Variants in FANCI observed in about 807,000 individuals in gnomAD.
The protein encoded by FANCI is FA complementation group I, also known as Fanconi anemia group I protein.
A neutral mutation model predicts 176.1 loss-of-function variants in FANCI; 156 were observed. That is an observed-to-expected ratio of 0.89 (90% confidence interval 0.78 to 1.01). The LOEUF (loss-of-function observed/expected upper bound fraction) is 1.01, where lower values mean the gene tolerates loss of function less well. FANCI is among the 50% of genes least tolerant of loss of function. The pLI, the probability that FANCI is intolerant of heterozygous loss-of-function variation, is 0.00. For missense variants in FANCI, 1,678 were observed against 1,534.1 expected (o/e 1.09, Z -1.57); for synonymous variants, 613 against 541.7 (o/e 1.13, Z -1.83).
intron 18 of FANCI, among the ~76,000 whole-genome samples, chr15:89,287,557 A>G (rs189348186): frequency 1.3e-5 from 2 of 152,256 alleles, no homozygotes; most frequent in South Asian, 2.1e-4. Context: ...CTTTAAGAGC[A>G]TTTTCTTTGC....
At chr15:89,250,170 T>G (rs1199063616) in intron 2 of FANCI, among the ~76,000 whole-genome samples, 1 of 152,220 alleles carries the variant, frequency 6.6e-6, no homozygotes, top group East Asian at 1.9e-4. Flanking sequence ...GAAATACCAT[T>G]TGACCCAGTG....
intron 28 of FANCI, among the ~76,000 whole-genome samples, chr15:89,304,693 C>G (rs1381020022): frequency 6.6e-6 from 1 of 152,064 alleles, no homozygotes; most frequent in African/African-American, 2.4e-5. Context: ...TGAGACACGA[C>G]AAGCTACCTC....
At chr15:89,313,590 T>C (rs2055052026) in intron 35 of FANCI, among the ~76,000 whole-genome samples, 2 of 152,194 alleles carry the variant, frequency 1.3e-5, no homozygotes, top group Admixed American at 1.3e-4. Flanking sequence ...ACTTAGTACA[T>C]TGCTGGCAAA....
downstream of FANCI, chr15:89,317,240 A>G: frequency 1.3e-6 from 1 of 763,518 alleles, no homozygotes; most frequent in Non-Finnish European, 2.3e-6. Flanking sequence ...GGCACCTTAT[A>G]AACTGAAATT....
At position 89,261,738 on chromosome 15, in the gene FANCI, A is replaced by G. The variant is rs762730472; in HGVS notation, c.442A>G (p.Lys148Glu). The change falls in exon 5 of 38, where the codon AAA becomes GAA. Residue 148 changes from lysine to glutamate, a missense_variant. Transcript: ENST00000310775. ...GAAAAAGGAAAATCTGGCTTATGGA[A>G]AAGGTAATTTTCTTCCGACTTTAGT... ...ATKKENLAYG[K>E]GVLSGEECKK... 1 of 1,614,022 alleles carries G rather than the reference A, an allele frequency of 6.2e-7. No homozygotes were observed. Among genetic ancestry groups the G allele is most frequent in the East Asian group, 2.2e-5 (1 of 44,882 alleles).
rs186358509 is a variant in FANCI at position 89,299,756 on chromosome 15, G to A, written c.2637-44G>A. 10 of 1,594,070 alleles carry A rather than the reference G, an allele frequency of 6.3e-6. No individual in the cohort carries two copies. The East Asian group carries it at 6.7e-5, about 11-fold the overall frequency. On this transcript the variant is annotated intron_variant, in intron 24 of 37. Coordinates refer to ENST00000310775, the MANE Select transcript of FANCI (RefSeq NM_001113378.2). The stretch of plus-strand genomic sequence containing the variant: ...ATTTTACTGTTTGTTATTTTATCTC[G>A]GTGAACCTGTCTTTAAAAACAATAC...
intron 17 of FANCI, among the ~76,000 whole-genome samples, chr15:89,284,016 C>G (rs1324048430): frequency 4.6e-5 from 7 of 152,110 alleles, no homozygotes; most frequent in African/African-American, 1.7e-4. Context: ...CCGCCTCGGC[C>G]TCCCAAAGTG....
chr15:89,316,275 T>TG (rs1237839812), intron 37 of FANCI, 122 bp from the exon 38 acceptor site: 40 of 989,828 alleles, frequency 4.0e-5, no homozygotes, highest in East Asian at 2.6e-5. Flanking sequence ...AGTGGGAAAG[T>TG]GGGGAAAGCA....
chr15:89,304,110 G>A (rs1318531393), intron 28 of FANCI, among the ~76,000 whole-genome samples, 195 bp downstream of exon 28: 2 of 152,156 alleles, frequency 1.3e-5, no homozygotes, highest in Non-Finnish European at 2.9e-5. Context: ...GGGGGTGGAG[G>A]TAGAAATTGG....
chr15:89,316,677 G>A lies in FANCI; in HGVS notation c.*218G>A. ...AAGCCCTTTTGCAAAAAGCACAGCT[G>A]AAAGCCTGAGTTTGGGAGCCTGCAC... On this transcript the variant is annotated 3_prime_UTR_variant, in exon 38 of 38. Transcript: ENST00000310775. 7.4e-7 allele frequency: 1 copy of A among 1,343,080 alleles called. No homozygotes were observed. Among genetic ancestry groups the A allele is most frequent in the Non-Finnish European group, 1.1e-6 (1 of 936,596 alleles). The allele number at this position is 1,343,080 out of a possible 1,614,324, so 83.2% of individuals were successfully genotyped here.
intron 18 of FANCI, 112 bp downstream of exon 18, chr15:89,285,330 T>C: frequency 1.4e-6 from 2 of 1,391,804 alleles, no homozygotes; most frequent in Non-Finnish European, 2.0e-6. Context: ...CTTGATGTAG[T>C]CAGCACCAGT....
intron 24 of FANCI, among the ~76,000 whole-genome samples, chr15:89,298,701 T>C (rs572732029): frequency 6.6e-6 from 1 of 152,208 alleles, no homozygotes; most frequent in South Asian, 2.1e-4. Flanking sequence ...TAATGAACTT[T>C]AGCCAGACTA....
intron 18 of FANCI, among the ~76,000 whole-genome samples, chr15:89,285,482 C>G (rs1683931773): frequency 6.6e-6 from 1 of 152,138 alleles, no homozygotes; most frequent in African/African-American, 2.4e-5. Flanking sequence ...AAAACATTAG[C>G]TGGGTGTGGT....
At chr15:89,248,917 G>A (rs1229333010) in intron 2 of FANCI, among the ~76,000 whole-genome samples, 1 of 152,102 alleles carries the variant, frequency 6.6e-6, no homozygotes, top group Non-Finnish European at 1.5e-5. Flanking sequence ...GCCAGGCATG[G>A]TGACTTACAC....
rs575416245 is a variant in FANCI at position 89,273,399 on chromosome 15, A to G, written c.905A>G (p.Asn302Ser). The G allele has an allele frequency of 3.1e-5, 49 of 1,605,334 alleles. No individual in the cohort carries two copies. Among genetic ancestry groups the G allele is most frequent in the South Asian group, 2.7e-4 (24 of 90,518 alleles). ...TAGGTAGGACAGCAAGGAGATTCCA[A>G]TAATAACTTAAGTCCCTTCAGCATT... is the stretch of plus-strand genomic sequence containing the variant. ...HLKVGQQGDS[N>S]NNLSPFSIAL... Residue 302 changes from asparagine (N) to serine (S), a missense_variant, in exon 11 of 38, where the codon AAT (asparagine) becomes AGT (serine). By Grantham distance (46) the Asn-to-Ser change is conservative (BLOSUM62 1). Coordinates refer to ENST00000310775, the MANE Select transcript of FANCI (RefSeq NM_001113378.2).
At chr15:89,266,472 G>A (rs2052968007) in intron 9 of FANCI, among the ~76,000 whole-genome samples, 3 of 151,790 alleles carry the variant, frequency 2.0e-5, no homozygotes, top group African/African-American at 7.3e-5. Context: ...GGGGTTACAG[G>A]TGCGTGCCAC....
chr15:89,306,431 C>T (rs2151927968), intron 32 of FANCI, among the ~76,000 whole-genome samples: 1 of 152,160 alleles, frequency 6.6e-6, no homozygotes, highest in South Asian at 2.1e-4. Context: ...GTGGTTCATG[C>T]CTGTAATCCC....
chr15:89,292,780 A>G lies in FANCI; in HGVS notation c.2085A>G (p.Glu695=). Residue 695 remains glutamate (E), a synonymous_variant, in exon 21 of 38, where the codon GAA becomes GAG. Transcript: ENST00000310775. ...LQQGEEEEEE[E]EAFYEDLDDI... ...AGGGAGAGGAGGAAGAGGAGGAGGA[A>G]GAGGCATTCTACGAAGACCTAGATG... is the stretch of plus-strand genomic sequence containing the variant. 1.2e-6 allele frequency: 2 copies of G among 1,613,976 alleles called. No individual in the cohort carries two copies. The highest frequency in any genetic ancestry group is 1.7e-6 in the Non-Finnish European group (2 of 1,179,922).
intron 26 of FANCI, among the ~76,000 whole-genome samples, chr15:89,300,757 C>T (rs1285989431): frequency 1.3e-5 from 2 of 152,148 alleles, no homozygotes; most frequent in African/African-American, 4.8e-5. Context: ...TAGTTTCTAA[C>T]CAATAGTTGT....
Sources: allele counts gnomAD v4.1 joint callset (sites outside exome capture counted in the v4.1 genomes callset), GRCh38; gene constraint gnomAD v4.1.1; transcripts MANE v1.5; gene names NCBI Gene and HGNC (gene_info 2026-07-23, HGNC 2026-07-21).